The following SCHIP1 variants were observed in gnomAD, a reference collection of about 807,000 sequenced individuals.
The protein encoded by SCHIP1 is schwannomin interacting protein 1, also known as schwannomin-interacting protein 1.
Under a neutral mutation model 29.7 loss-of-function variants are expected in SCHIP1, and 8 were observed. The observed-to-expected ratio is 0.27, with a 90% confidence interval of 0.16 to 0.49. SCHIP1 has a LOEUF of 0.49. Among genes scored for constraint, SCHIP1 ranks in the 20% least tolerant of loss-of-function variants. The pLI is 0.99. For synonymous variants in SCHIP1, 76 were observed against 94.9 expected (o/e 0.80, Z 1.16); for missense variants, 193 against 294.6 (o/e 0.66, Z 2.52).
At chr3:159,853,519 T>C in intron 1 of SCHIP1, 1 of 661,500 alleles carries the variant, frequency 1.5e-6, no homozygotes, top group East Asian at 2.8e-5. Flanking sequence ...TGGAGAAAGA[T>C]CACCCTTGAG....
the SCHIP1 span, among the ~76,000 whole-genome samples, chr3:159,590,474 G>A: frequency 3.3e-5 from 5 of 152,136 alleles, no homozygotes; most frequent in Non-Finnish European, 7.3e-5. Context: ...TACTTGGGAA[G>A]CTGATGCAGA....
chr3:159,513,766 T>C, the SCHIP1 span, among the ~76,000 whole-genome samples: 3 of 152,174 alleles, frequency 2.0e-5, no homozygotes, highest in African/African-American at 7.2e-5. Flanking sequence ...GTCAGTGGGA[T>C]GAGATTGCAT....
the SCHIP1 span, among the ~76,000 whole-genome samples, chr3:159,798,578 T>C: frequency 2.1e-4 from 32 of 152,104 alleles, no homozygotes; most frequent in African/African-American, 7.7e-4. Flanking sequence ...GCCAACATGG[T>C]GAAACCCTGT....
the SCHIP1 span, among the ~76,000 whole-genome samples, chr3:159,646,768 T>C: frequency 0.16 from 23,836 of 152,020 alleles, 5,164 homozygotes; most frequent in African/African-American, 0.49. Flanking sequence ...CAGAAATCTA[T>C]AACTCTCCAG....
At chr3:159,304,617 GT>G in the SCHIP1 span, among the ~76,000 whole-genome samples, 1 of 152,178 alleles carries the variant, frequency 6.6e-6, no homozygotes, top group African/African-American at 2.4e-5. Flanking sequence ...ACATATCCAA[GT>G]GTGTGTTGTC....
At chr3:159,779,306 G>C in the SCHIP1 span, among the ~76,000 whole-genome samples, 1 of 152,156 alleles carries the variant, frequency 6.6e-6, no homozygotes. Flanking sequence ...TTTGTTGACT[G>C]ATTGAATGGT....
the SCHIP1 span, among the ~76,000 whole-genome samples, chr3:159,577,103 A>T: frequency 6.6e-6 from 1 of 152,100 alleles, no homozygotes; most frequent in Non-Finnish European, 1.5e-5. Context: ...CATAATTTTC[A>T]TTATCCTAAG....
chr3:159,402,681 A>G, the SCHIP1 span, among the ~76,000 whole-genome samples: 1 of 152,174 alleles, frequency 6.6e-6, no homozygotes, highest in African/African-American at 2.4e-5. Flanking sequence ...TATTGCAAGG[A>G]CAAAAAACCA....
At chr3:159,890,454 T>G (rs1216859962) in intron 5 of SCHIP1, among the ~76,000 whole-genome samples, 1 of 152,056 alleles carries the variant, frequency 6.6e-6, no homozygotes, top group Non-Finnish European at 1.5e-5. Flanking sequence ...AAAAATGAAA[T>G]TTTTCCACAA....
the SCHIP1 span, among the ~76,000 whole-genome samples, chr3:159,772,228 G>T: frequency 6.6e-6 from 1 of 152,060 alleles, no homozygotes; most frequent in African/African-American, 2.4e-5. Context: ...TCGACTCGCT[G>T]CAACCCCCAT....
chr3:159,843,001 C>CTTCTTTTTTTTTTTT (rs1744394617), intron 1 of SCHIP1, among the ~76,000 whole-genome samples: 19 of 63,710 alleles, frequency 3.0e-4, no homozygotes, highest in African/African-American at 8.0e-4. Context: ...ATATTTCTTT[C>CTTCTTTTTTTTTTTT]TTTTTTTTTT....
At chr3:159,629,046 T>A in the SCHIP1 span, among the ~76,000 whole-genome samples, 1 of 152,134 alleles carries the variant, frequency 6.6e-6, no homozygotes, top group South Asian at 2.1e-4. Flanking sequence ...CTCAAAAGAG[T>A]ACATTCTATC....
At chr3:159,547,707 A>T in the SCHIP1 span, among the ~76,000 whole-genome samples, 1 of 152,142 alleles carries the variant, frequency 6.6e-6, no homozygotes, top group East Asian at 1.9e-4. Context: ...TTTGTCGAAG[A>T]TCAGATGGTT....
the SCHIP1 span, among the ~76,000 whole-genome samples, chr3:159,300,139 T>TTTTTTTG: frequency 7.5e-6 from 1 of 133,816 alleles, no homozygotes; most frequent in African/African-American, 2.9e-5. Context: ...TTTTTTTTTT[T>TTTTTTTG]GAGATAGGGT....
chr3:159,673,934 G>A, the SCHIP1 span, among the ~76,000 whole-genome samples: 1 of 152,202 alleles, frequency 6.6e-6, no homozygotes, highest in Non-Finnish European at 1.5e-5. Context: ...GATGTTCCCA[G>A]TATGCTGCTC....
At chr3:159,889,764 T>G (rs753837052) in intron 5 of SCHIP1, among the ~76,000 whole-genome samples, 23 of 152,134 alleles carry the variant, frequency 1.5e-4, no homozygotes, top group Non-Finnish European at 2.2e-4. Context: ...ATTGATTTAT[T>G]TTAGGTGTGA....
the SCHIP1 span, among the ~76,000 whole-genome samples, chr3:159,494,950 A>G: frequency 2.0e-5 from 3 of 152,218 alleles, no homozygotes; most frequent in Non-Finnish European, 2.9e-5. Context: ...GGCTGGTTCA[A>G]CATACCAAAA....
chr3:159,511,498 C>T, the SCHIP1 span, among the ~76,000 whole-genome samples: 25 of 152,298 alleles, frequency 1.6e-4, 1 homozygote, highest in Middle Eastern at 6.8e-3. Flanking sequence ...TCAATGAGCC[C>T]CAGTGAGATG....
the SCHIP1 span, among the ~76,000 whole-genome samples, chr3:159,623,631 A>G: frequency 6.6e-6 from 1 of 152,110 alleles, no homozygotes. Flanking sequence ...ATCTCTAAAT[A>G]AATAAATAAA....
Sources: allele counts gnomAD v4.1 joint callset (sites outside exome capture counted in the v4.1 genomes callset), GRCh38; gene constraint gnomAD v4.1.1; transcripts MANE v1.5; gene names NCBI Gene and HGNC (gene_info 2026-07-23, HGNC 2026-07-21).